Variants in DMXL2 observed in about 807,000 individuals in gnomAD.
The protein encoded by DMXL2 is dmX-like protein 2.
A neutral mutation model predicts 331.1 loss-of-function variants in DMXL2; 103 were observed. The ratio of observed to expected loss-of-function variants is 0.31; its 90% CI spans 0.27 to 0.37. DMXL2 has a LOEUF of 0.37. Ranked by LOEUF, DMXL2 falls within the 10% of genes least tolerant of loss-of-function variation. The pLI, the probability that DMXL2 is intolerant of heterozygous loss-of-function variation, is 1.00. For synonymous variants in DMXL2, 1,281 were observed against 1,252.1 expected, an observed-to-expected ratio of 1.02 and a Z score of -0.49; for missense variants, 3,171 against 3,642.9, an observed-to-expected ratio of 0.87 and a Z score of 3.33.
chr15:51,585,512 C>A (rs1170484989), intron 1 of DMXL2, among the ~76,000 whole-genome samples: 1 of 151,992 alleles, frequency 6.6e-6, no homozygotes, highest in African/African-American at 2.4e-5. Flanking sequence ...CTATTTCAAA[C>A]AATGCTTCGA....
chr15:51,557,200 G>A (rs1282126879), intron 6 of DMXL2, among the ~76,000 whole-genome samples: 1 of 151,964 alleles, frequency 6.6e-6, no homozygotes, highest in Non-Finnish European at 1.5e-5. Flanking sequence ...AAGGGTGCTG[G>A]GCATAAAGCC....
At chr15:51,488,689 A>G (rs2140419539) in intron 20 of DMXL2, 44 bp from the exon 21 acceptor site, 3 of 1,460,976 alleles carry the variant, frequency 2.1e-6, no homozygotes, top group South Asian at 2.4e-5. Flanking sequence ...TGACATAAGA[A>G]TTACAATCAA....
chr15:51,450,429 A>G, intron 42 of DMXL2, 83 bp from the exon 43 acceptor site: 1 of 1,278,576 alleles, frequency 7.8e-7, no homozygotes, highest in Non-Finnish European at 1.1e-6. Flanking sequence ...ATTTAAATAC[A>G]GACCTTACTG....
intron 1 of DMXL2, among the ~76,000 whole-genome samples, chr15:51,609,207 A>T (rs2053791949): frequency 6.6e-6 from 1 of 152,274 alleles, no homozygotes; most frequent in African/African-American, 2.4e-5. Context: ...ATTTCAAAAG[A>T]CACAAGAAAG....
chr15:51,555,684 T>G (rs1278122288), intron 6 of DMXL2, among the ~76,000 whole-genome samples: 1 of 152,160 alleles, frequency 6.6e-6, no homozygotes, highest in Non-Finnish European at 1.5e-5. Context: ...TCACTATACA[T>G]GTATTATAGA....
At chr15:51,515,614 C>T (rs1480586477) in intron 14 of DMXL2, among the ~76,000 whole-genome samples, 1 of 152,074 alleles carries the variant, frequency 6.6e-6, no homozygotes, top group African/African-American at 2.4e-5. Flanking sequence ...AATCATACAA[C>T]ACATTGGGAA....
At chr15:51,550,396 TAC>T (rs2049141676) in intron 6 of DMXL2, among the ~76,000 whole-genome samples, 1 of 152,186 alleles carries the variant, frequency 6.6e-6, no homozygotes, top group African/African-American at 2.4e-5. Flanking sequence ...TATAATTGTA[TAC>T]ATTTACATAG....
At chr15:51,504,938 G>C (rs1003238874) in intron 16 of DMXL2, among the ~76,000 whole-genome samples, 2 of 152,144 alleles carry the variant, frequency 1.3e-5, no homozygotes, top group African/African-American at 4.8e-5. Flanking sequence ...AAAAAGCAAA[G>C]ACTTTAGAGT....
At chr15:51,512,762 G>C (rs1181780185) in intron 15 of DMXL2, among the ~76,000 whole-genome samples, 1 of 150,872 alleles carries the variant, frequency 6.6e-6, no homozygotes, top group Non-Finnish European at 1.5e-5. Flanking sequence ...GTTACAGTAA[G>C]CTGAGATGAC....
rs1476950701 is a variant in DMXL2, at chr15:51,464,877, C to T, written c.7607-1G>A. 6.2e-7 allele frequency: 1 copy of T among 1,607,420 alleles called. No individual in the cohort carries two copies. The highest frequency in any genetic ancestry group is 8.5e-7 in the Non-Finnish European group (1 of 1,176,528). On this transcript the variant is annotated splice_acceptor_variant, in intron 31 of 43. Transcript: ENST00000560891. LOFTEE classifies it high-confidence loss of function. ...CCTAATGGTGATGTTACAGGCAGCT[C>T]TACAAGGTGACAGAATATGTTATTT...
intron 14 of DMXL2, among the ~76,000 whole-genome samples, chr15:51,515,580 G>C (rs557125827): frequency 2.4e-4 from 37 of 152,266 alleles, no homozygotes; most frequent in African/African-American, 8.7e-4. Flanking sequence ...GTAAAGAGAA[G>C]GGTGATGTCT....
rs375656275 is a variant in DMXL2, at chr15:51,488,007, C to G, written c.5164G>C (p.Glu1722Gln). 2.5e-6 allele frequency: 4 copies of G among 1,613,172 alleles called. No individual in the cohort carries two copies. The African/African-American group carries it at 5.3e-5, about 22-fold the overall frequency. ...AGCAAGAAAAAAGCAGCCGATTGTT[C>G]AAAGCGTTGTTTTCCAAGTAAGGAA... ...AFSLLGKQRF[E>Q]QSAAFFLLAG... The change falls in exon 22 of 44, where the codon GAA becomes CAA. Residue 1722 changes from glutamate (E) to glutamine (Q), a missense_variant. Transcript: ENST00000560891.
chr15:51,543,043 CTTTAA>C (rs1421074486), intron 8 of DMXL2, among the ~76,000 whole-genome samples: 1 of 152,042 alleles, frequency 6.6e-6, no homozygotes, highest in Non-Finnish European at 1.5e-5. Context: ...AAATGTTGAT[CTTTAA>C]TTTGTTTAAA....
intron 6 of DMXL2, among the ~76,000 whole-genome samples, chr15:51,554,285 G>A (rs1007818652): frequency 2.0e-5 from 3 of 152,068 alleles, no homozygotes; most frequent in Non-Finnish European, 4.4e-5. Context: ...ACTTATTAAC[G>A]TGGTAATCCT....
At chr15:51,598,426 A>T (rs1231220170) in intron 1 of DMXL2, among the ~76,000 whole-genome samples, 1 of 152,156 alleles carries the variant, frequency 6.6e-6, no homozygotes, top group African/African-American at 2.4e-5. Context: ...AATTATCAAG[A>T]TCGGGCAATG....
At chr15:51,555,775 T>C (rs979840841) in intron 6 of DMXL2, among the ~76,000 whole-genome samples, 2 of 151,986 alleles carry the variant, frequency 1.3e-5, no homozygotes, top group African/African-American at 4.8e-5. Flanking sequence ...CATAGGTAAA[T>C]ACAACTTACC....
intron 14 of DMXL2, among the ~76,000 whole-genome samples, chr15:51,516,775 A>C (rs1459575446): frequency 6.6e-6 from 1 of 152,158 alleles, no homozygotes; most frequent in Admixed American, 6.5e-5. Flanking sequence ...TGGTTTTTCA[A>C]ATCTCTAGTT....
intron 1 of DMXL2, among the ~76,000 whole-genome samples, chr15:51,602,878 A>G (rs77990578): frequency 0.012 from 1,768 of 152,348 alleles, 27 homozygotes; most frequent in East Asian, 0.026. Context: ...GCATAACGTA[A>G]TATTTTTAAA....
chr15:51,474,296 C>T (rs2140325603), intron 28 of DMXL2, 48 bp downstream of exon 28: 1 of 1,512,072 alleles, frequency 6.6e-7, no homozygotes, highest in East Asian at 2.3e-5. Flanking sequence ...TTTTAACATT[C>T]AAAATGATTA....
Sources: gnomAD v4.1 joint callset for allele counts (sites outside exome capture counted in the v4.1 genomes callset) on GRCh38, gnomAD v4.1.1 for gene constraint, MANE v1.5 for transcripts, NCBI Gene and HGNC (gene_info 2026-07-23, HGNC 2026-07-21) for gene names.